MON1B: variants seen among roughly 807,000 people sequenced by gnomAD.
MON1B encodes the protein vacuolar fusion protein MON1 homolog B.
Under a neutral mutation model 45.1 loss-of-function variants are expected in MON1B, and 26 were observed. That is an observed-to-expected ratio of 0.58 (90% CI 0.42 to 0.80). MON1B has a LOEUF of 0.80. MON1B is among the 30% of genes least tolerant of loss of function. The probability of loss-of-function intolerance (pLI) is 0.00; values close to 1 mark genes in which losing one functional copy is unlikely to be tolerated. For synonymous variants in MON1B, 395 were observed against 320.2 expected, an observed-to-expected ratio of 1.23 and a Z score of -2.49; for missense variants, 737 against 754.5, an observed-to-expected ratio of 0.98 and a Z score of 0.27.
Position 77,201,136 on chromosome 16 carries a change from G to T in MON1B, c.*2828G>T, listed in dbSNP as rs1353692600. On this transcript the variant is annotated 3_prime_UTR_variant, in exon 6 of 6. Transcript: ENST00000248248. ...CTGCACCTAAAACAATGCCTGCTTG[G>T]TGTAAAGTAAGTGCTCAGTAATTTT... 3.3e-5 allele frequency: 5 copies of T among 152,154 alleles called. No individual in the cohort carries two copies. The highest frequency in any genetic ancestry group is 7.3e-5 in the Non-Finnish European group (5 of 68,028). The allele number at this position is 152,154 out of a possible 1,614,324, so 9.4% of individuals were successfully genotyped here.
chr16:77,191,772 G>A, intron 2 of MON1B, 139 bp downstream of exon 2: 1 of 927,772 alleles, frequency 1.1e-6, no homozygotes, highest in South Asian at 1.6e-5. Context: ...GTCAGGAGGA[G>A]GTCACTGTGG....
Position 77,198,002 on chromosome 16 carries a change from A to G in MON1B, c.1444-106A>G, listed in dbSNP as rs144814214. The G allele has an allele frequency of 6.3e-4, 704 of 1,117,676 alleles. 1 individual carries two copies. Among genetic ancestry groups the G allele is most frequent in the Admixed American group, 1.3e-3 (71 of 54,040 alleles). 69.2% of individuals were successfully genotyped at this position (1,117,676 alleles called of 1,614,324 possible). A position where few individuals can be genotyped will look rare whatever the true frequency, so the allele number is the denominator to read the frequency against. ...CACCTGGTAGGAGGTGCTGCCAGGT[A>G]CATGTTCCAGGTTGCAGGAGGCAGA... is the stretch of plus-strand genomic sequence containing the variant. On this transcript the variant is annotated intron_variant, in intron 5 of 5. Transcript: ENST00000248248.
In MON1B at chr16:77,194,762, A is replaced by G; in HGVS notation, c.903A>G (p.Pro301=). 6.2e-7 allele frequency: 1 copy of G among 1,613,936 alleles called. No individual in the cohort carries two copies. The highest frequency in any genetic ancestry group is 1.3e-5 in the African/African-American group (1 of 75,074). Residue 301 remains proline, a synonymous_variant, in exon 4 of 6, where the codon CCA becomes CCG. Transcript: ENST00000248248. This position sits in a 1 kb window ranked among gnomAD's most constrained non-coding sequence, Gnocchi z 8.1. ...TGCTGGCCGAGTGCCGGCTGGACCCAGCTGACCTGCAGTTGCTGCTCGACT... is the reference window on the plus strand; with the variant it reads ...TGCTGGCCGAGTGCCGGCTGGACCCGGCTGACCTGCAGTTGCTGCTCGACT... ...RNVLAECRLD[P]ADLQLLLDWV... is the part of the protein sequence containing the mutation.
In MON1B at chr16:77,199,449, A is replaced by T; in HGVS notation, c.*1141A>T. 8 of 1,551,456 alleles carry T rather than the reference A, an allele frequency of 5.2e-6. No individual in the cohort carries two copies. Among genetic ancestry groups the T allele is most frequent in the Non-Finnish European group, 7.0e-6 (8 of 1,146,916 alleles). On this transcript the variant is annotated 3_prime_UTR_variant, in exon 6 of 6. Coordinates refer to ENST00000248248, the MANE Select transcript of MON1B (RefSeq NM_014940.4). ...GGCTCGCGCGCAGGCCCCGCGTTGGAAAATGGCGGGGAAGCTGAAACCTCT... is the reference window on the plus strand; with the variant it reads ...GGCTCGCGCGCAGGCCCCGCGTTGGTAAATGGCGGGGAAGCTGAAACCTCT...
At chr16:77,197,344 C>T (rs554323271) in intron 5 of MON1B, among the ~76,000 whole-genome samples, 2 of 152,206 alleles carry the variant, frequency 1.3e-5, no homozygotes, top group South Asian at 2.1e-4. Context: ...TGCAGTGAGC[C>T]GAGACCGTGC....
chr16:77,198,474 G>A lies in MON1B; in HGVS notation c.*166G>A, dbSNP rs113523009. ...ACCGATGAGAGAGATGGTGGCAGCCGCCAGGCGAGCAGGCTGCTTTCCCTG... is the reference window on the plus strand; with the variant it reads ...ACCGATGAGAGAGATGGTGGCAGCCACCAGGCGAGCAGGCTGCTTTCCCTG... On this transcript the variant is annotated 3_prime_UTR_variant, in exon 6 of 6. Coordinates refer to ENST00000248248, the MANE Select transcript of MON1B (RefSeq NM_014940.4). The A allele has an allele frequency of 5.2e-5, 38 of 733,240 alleles. No homozygotes were observed. Among genetic ancestry groups the A allele is most frequent in the African/African-American group, 4.4e-4 (25 of 56,412 alleles). The allele number at this position is 733,240 out of a possible 1,614,324, so 45.4% of individuals were successfully genotyped here.
chr16:77,197,150 G>T (rs927678563), intron 5 of MON1B, among the ~76,000 whole-genome samples: 1 of 151,978 alleles, frequency 6.6e-6, no homozygotes, highest in African/African-American at 2.4e-5. Flanking sequence ...GAGTCGGGGT[G>T]GGAGTTGGGG....
At position 77,198,230 on chromosome 16, in the gene MON1B, T is replaced by C; in HGVS notation, c.1566T>C (p.Arg522=). The change falls in exon 6 of 6, where the codon CGT becomes CGC. Residue 522 remains arginine (R), a synonymous_variant. Coordinates refer to ENST00000248248, the MANE Select transcript of MON1B (RefSeq NM_014940.4). ...AAGAGGAGGACCGGCTCTTCATTCGTTACCCACCCAAGTACTCCACACCAC... is the reference window on the plus strand; with the variant it reads ...AAGAGGAGGACCGGCTCTTCATTCGCTACCCACCCAAGTACTCCACACCAC... ...VKKEEDRLFI[R]YPPKYSTPPA... is the part of the protein sequence containing the mutation. The C allele has an allele frequency of 6.2e-7, 1 of 1,614,166 alleles. No individual in the cohort carries two copies. Among genetic ancestry groups the C allele is most frequent in the Non-Finnish European group, 8.5e-7 (1 of 1,180,028 alleles).
rs2054651138 is a variant in MON1B at position 77,195,004 on chromosome 16, C to T, written c.1145C>T (p.Ala382Val). ...ATGCATGCCCTTGGTGCCATGCGTG[C>T]CCTTGGGGAGGCTGCCAGCTTCTCT... ...DGMHALGAMR[A>V]LGEAASFSNA... Residue 382 changes from alanine (A) to valine (V), a missense_variant, in exon 4 of 6, where the codon GCC becomes GTC. Ala to Val is a moderately conservative substitution (Grantham distance 64). Transcript: ENST00000248248. The T allele has an allele frequency of 6.2e-7, 1 of 1,613,572 alleles. No individual in the cohort carries two copies.
At position 77,200,291 on chromosome 16, in the gene MON1B, T is replaced by TATATATATATGTATATATATATAC; in HGVS notation, c.*1984_*1985insTATATATATGTATATATATATACA. The TATATATATATGTATATATATATAC allele has an allele frequency of 9.0e-6, 1 of 111,430 alleles. No homozygotes were observed. The highest frequency in any genetic ancestry group is 2.7e-4 in the South Asian group (1 of 3,708). 6.9% of individuals were successfully genotyped at this position (111,430 alleles called of 1,614,324 possible). A position where few individuals can be genotyped will look rare whatever the true frequency, so the allele number is the denominator to read the frequency against. ...ATATATGTGTATATATATATATATATACACACACTAATCAGCCGGGCGCGG... is the reference window on the plus strand; with the variant it reads ...ATATATGTGTATATATATATATATATATATATATATGTATATATATATACACACACACTAATCAGCCGGGCGCGG... On this transcript the variant is annotated 3_prime_UTR_variant, in exon 6 of 6. Coordinates refer to ENST00000248248, the MANE Select transcript of MON1B (RefSeq NM_014940.4).
In MON1B at chr16:77,194,397, T is replaced by C. The variant is rs753387675; in HGVS notation, c.538T>C (p.Ser180Pro). The stretch of plus-strand genomic sequence containing the variant: ...GTTGCTCGTGGCCATGTCACGGACT[T>C]CTCAGTCAGCAGCCCAGCTGCGGGG... ...PLLLVAMSRTSQSAAQLRGEL... is the reference protein window; with the variant it reads ...PLLLVAMSRTPQSAAQLRGEL... The change falls in exon 4 of 6, where the codon TCT (serine) becomes CCT (proline). Residue 180 changes from serine (S) to proline (P), a missense_variant. Transcript: ENST00000248248. The surrounding 1 kb of genome is among the most constrained non-coding windows in gnomAD (Gnocchi z 8.1). 5.6e-6 allele frequency: 9 copies of C among 1,613,164 alleles called. No homozygotes were observed. In the South Asian group the frequency reaches 8.8e-5, roughly 16 times the overall value.
At position 77,195,006 on chromosome 16, in the gene MON1B, C is replaced by G. The variant is rs777205426; in HGVS notation, c.1147C>G (p.Leu383Val). ...GMHALGAMRA[L>V]GEAASFSNAS... The stretch of plus-strand genomic sequence containing the variant: ...GCATGCCCTTGGTGCCATGCGTGCC[C>G]TTGGGGAGGCTGCCAGCTTCTCTAA... Residue 383 changes from leucine to valine, a missense_variant, in exon 4 of 6, where the codon CTT becomes GTT. By Grantham distance (32) the Leu-to-Val change is conservative (BLOSUM62 1). Transcript: ENST00000248248. 1.2e-6 allele frequency: 2 copies of G among 1,613,522 alleles called. No homozygotes were observed. The highest frequency in any genetic ancestry group is 1.7e-6 in the Non-Finnish European group (2 of 1,180,014).
intron 2 of MON1B, among the ~76,000 whole-genome samples, chr16:77,192,700 T>C (rs1597374506): frequency 6.6e-6 from 1 of 151,212 alleles, no homozygotes; most frequent in Non-Finnish European, 1.5e-5. Context: ...TTGTTGGGGG[T>C]AGGGGGGAGT....
Position 77,199,826 on chromosome 16 carries a change from G to A in MON1B, c.*1518G>A, listed in dbSNP as rs1311202882. On this transcript the variant is annotated 3_prime_UTR_variant, in exon 6 of 6. Coordinates refer to ENST00000248248, the MANE Select transcript of MON1B (RefSeq NM_014940.4). ...TGGGGATGTTCTCATAACAATCACC[G>A]TGCTGCAGCCACCCCTTATTAACAG... 1 of 244,482 alleles carries A rather than the reference G, an allele frequency of 4.1e-6. No homozygotes were observed. The highest frequency in any genetic ancestry group is 5.2e-5 in the Admixed American group (1 of 19,054). The allele number at this position is 244,482 out of a possible 1,614,324, so 15.1% of individuals were successfully genotyped here.
rs1597375200 is a variant in MON1B at position 77,193,903 on chromosome 16, C to G, written c.475+126C>G. On this transcript the variant is annotated intron_variant, in intron 3 of 5. Coordinates refer to ENST00000248248, the MANE Select transcript of MON1B (RefSeq NM_014940.4). The surrounding 1 kb of genome is among the most constrained non-coding windows in gnomAD (Gnocchi z 5.0). ...TGGGTCCATGTGTGTGGATGGTCAG[C>G]CAGAGCTCTGTCAGTGGCGGGAGGT... is the stretch of plus-strand genomic sequence containing the variant. 1 of 981,464 alleles carries G rather than the reference C, an allele frequency of 1.0e-6. No individual in the cohort carries two copies. Among genetic ancestry groups the G allele is most frequent in the South Asian group, 1.7e-5 (1 of 59,622 alleles). The allele number at this position is 981,464 out of a possible 1,614,324, so 60.8% of individuals were successfully genotyped here.
rs574875070 is a variant in MON1B at position 77,198,359 on chromosome 16, T to G, written c.*51T>G. 2.6e-6 allele frequency: 4 copies of G among 1,556,470 alleles called. No individual in the cohort carries two copies. Among genetic ancestry groups the G allele is most frequent in the Non-Finnish European group, 3.5e-6 (4 of 1,128,406 alleles). On this transcript the variant is annotated 3_prime_UTR_variant, in exon 6 of 6. Coordinates refer to ENST00000248248, the MANE Select transcript of MON1B (RefSeq NM_014940.4). ...TGCTGGGAGCAACCACCTTTGTTTTTTACCTTCTGTCTACCCTGGAAATGT... is the reference window on the plus strand; with the variant it reads ...TGCTGGGAGCAACCACCTTTGTTTTGTACCTTCTGTCTACCCTGGAAATGT...
chr16:77,198,059 C>G (rs780084229), intron 5 of MON1B, 49 bp from the exon 6 acceptor site: 3 of 1,573,290 alleles, frequency 1.9e-6, no homozygotes, highest in African/African-American at 2.7e-5. Flanking sequence ...GCAGGATTGT[C>G]CATAGCCAGC....
In MON1B at chr16:77,193,762, C is replaced by A. The variant is rs569161651; in HGVS notation, c.460C>A (p.Arg154Ser). ...TGTGCAGAGTGCGGGAGATGCCATC[C>A]GTGCCATCTACGCTGGTGAGCAAAC... ...SFVQSAGDAI[R>S]AIYAEDHKLV... Residue 154 changes from arginine to serine, a missense_variant, in exon 3 of 6, where the codon CGT (arginine) becomes AGT (serine). By Grantham distance (110) the Arg-to-Ser change is moderately radical. Coordinates refer to ENST00000248248, the MANE Select transcript of MON1B (RefSeq NM_014940.4). The surrounding 1 kb of genome is among the most constrained non-coding windows in gnomAD (Gnocchi z 5.0). The A allele has an allele frequency of 6.2e-7, 1 of 1,611,882 alleles. No homozygotes were observed.
Position 77,199,580 on chromosome 16 carries a change from C to A in MON1B, c.*1272C>A. On this transcript the variant is annotated 3_prime_UTR_variant, in exon 6 of 6. Transcript: ENST00000248248. ...GGCAGAAAGGAGGGAGGATTCGTCC[C>A]ATTACAATAATGAAATAATGATATT... 8.4e-7 allele frequency: 1 copy of A among 1,193,552 alleles called. No homozygotes were observed. 73.9% of individuals were successfully genotyped at this position (1,193,552 alleles called of 1,614,324 possible). A position where few individuals can be genotyped will look rare whatever the true frequency, so the allele number is the denominator to read the frequency against.
Sources: gnomAD v4.1 joint callset for allele counts (sites outside exome capture counted in the v4.1 genomes callset) on GRCh38, gnomAD v4.1.1 for gene constraint, Gnocchi (gnomAD v3.1) non-coding constraint, MANE v1.5 for transcripts, NCBI Gene and HGNC (gene_info 2026-07-23, HGNC 2026-07-21) for gene names.